Variants in WDR48 observed in about 807,000 individuals in gnomAD.
The protein encoded by WDR48 is WD repeat domain 48, also known as WD repeat-containing protein 48.
In WDR48, 22 loss-of-function variants were observed where a neutral mutation model predicts 94.0. That is an observed-to-expected ratio of 0.23 (90% confidence interval 0.17 to 0.33). The LOEUF (loss-of-function observed/expected upper bound fraction) is 0.33. Among genes scored for constraint, WDR48 ranks in the 10% least tolerant of loss-of-function variants. WDR48 has a pLI of 1.00. For synonymous variants in WDR48, 278 were observed against 280.5 expected (o/e 0.99, Z 0.09); for missense variants, 541 against 813.8 (o/e 0.66, Z 4.08).
intron 3 of WDR48, among the ~76,000 whole-genome samples, chr3:39,066,241 A>G (rs569589564): frequency 1.3e-5 from 2 of 152,304 alleles, no homozygotes; most frequent in East Asian, 1.9e-4. Flanking sequence ...GGTGAGATCC[A>G]TTCCTTGGTT....
intron 15 of WDR48, 36 bp downstream of exon 15, chr3:39,088,269 AG>A: frequency 6.3e-7 from 1 of 1,596,328 alleles, no homozygotes; most frequent in Non-Finnish European, 8.6e-7. Flanking sequence ...CTGCCTGAGA[AG>A]GTATCCCATT....
At chr3:39,064,278 CTTT>C (rs532093383) in intron 2 of WDR48, among the ~76,000 whole-genome samples, 2 of 141,564 alleles carry the variant, frequency 1.4e-5, no homozygotes, top group Non-Finnish European at 3.1e-5. Context: ...TCTTTTTTTT[CTTT>C]TTTTTTTTTT....
chr3:39,088,188 A>C lies in WDR48; in HGVS notation c.1535A>C (p.His512Pro). 2.5e-6 allele frequency: 4 copies of C among 1,614,188 alleles called. No individual in the cohort carries two copies. Among genetic ancestry groups the C allele is most frequent in the Non-Finnish European group, 3.4e-6 (4 of 1,180,040 alleles). Residue 512 changes from histidine to proline, a missense_variant, in exon 15 of 19, where the codon CAT (histidine) becomes CCT (proline). His to Pro is a moderately conservative substitution (Grantham distance 77). Transcript: ENST00000302313. ...AATGGATATTTTCAAGTGCCCCCACATACACCCGTGATCTTTGGTGAAGCT... is the reference window on the plus strand; with the variant it reads ...AATGGATATTTTCAAGTGCCCCCACCTACACCCGTGATCTTTGGTGAAGCT... ...KGNGYFQVPP[H>P]TPVIFGEAGG...
At chr3:39,069,771 C>G in intron 7 of WDR48, 27 bp downstream of exon 7, 1 of 1,584,580 alleles carries the variant, frequency 6.3e-7, no homozygotes, top group Middle Eastern at 1.7e-4. Context: ...GGGTGTTTAC[C>G]TAATAACCTT....
intron 1 of WDR48, among the ~76,000 whole-genome samples, chr3:39,058,742 C>T (rs1341977717): frequency 6.6e-6 from 1 of 152,134 alleles, no homozygotes; most frequent in African/African-American, 2.4e-5. Flanking sequence ...AAGTCCCTTG[C>T]CTTCTTGGAG....
Position 39,066,966 on chromosome 3 carries a change from G to A in WDR48, c.481+91G>A, listed in dbSNP as rs905321520. The A allele has an allele frequency of 7.6e-5, 111 of 1,453,604 alleles. No homozygotes were observed. In the African/African-American group the frequency reaches 1.3e-3, roughly 17 times the overall value. The allele number at this position is 1,453,604 out of a possible 1,614,324, so 90.0% of individuals were successfully genotyped here. ...AAAACATTTTTGATAGGTTTGCATC[G>A]AGAGAGTGTTTCATATTTTGAGAGT... On this transcript the variant is annotated intron_variant, in intron 5 of 18. Coordinates refer to ENST00000302313, the MANE Select transcript of WDR48 (RefSeq NM_020839.4).
intron 13 of WDR48, 74 bp from the exon 14 acceptor site, chr3:39,085,441 T>G: frequency 8.5e-7 from 1 of 1,174,414 alleles, no homozygotes; most frequent in East Asian, 2.3e-5. Context: ...ACTTACAATT[T>G]TTATTCTATT....
chr3:39,094,932 T>G lies in WDR48; in HGVS notation c.*189T>G, dbSNP rs1272596472. On this transcript the variant is annotated 3_prime_UTR_variant, in exon 19 of 19. Coordinates refer to ENST00000302313, the MANE Select transcript of WDR48 (RefSeq NM_020839.4). ...TAGAAACCAGTCTCCATGTGTAGAT[T>G]AAGCTGTCCCCAGGGAAGCAGAGTG... The G allele has an allele frequency of 5.4e-6, 4 of 738,498 alleles. No individual in the cohort carries two copies. The highest frequency in any genetic ancestry group is 8.6e-6 in the Non-Finnish European group (4 of 466,124). 45.7% of individuals were successfully genotyped at this position (738,498 alleles called of 1,614,324 possible).
intron 16 of WDR48, 176 bp downstream of exon 16, chr3:39,089,494 A>G (rs897160006): frequency 1.7e-5 from 7 of 420,624 alleles, no homozygotes; most frequent in African/African-American, 4.1e-5. Flanking sequence ...TTATTTATCT[A>G]TCTAGCTTTG....
At chr3:39,074,253 G>C (rs2034095712) in intron 7 of WDR48, among the ~76,000 whole-genome samples, 2 of 152,170 alleles carry the variant, frequency 1.3e-5, no homozygotes, top group East Asian at 3.8e-4. Context: ...GAGGACAAAG[G>C]CAGTTCTGCT....
intron 11 of WDR48, among the ~76,000 whole-genome samples, chr3:39,082,502 G>A (rs1423536126): frequency 2.6e-5 from 4 of 152,154 alleles, no homozygotes; most frequent in South Asian, 2.1e-4. Context: ...GGATGGTCTC[G>A]ATCTCCTGGC....
chr3:39,083,847 T>C lies in WDR48; in HGVS notation c.1174-308T>C, dbSNP rs80116272. 4.8e-3 allele frequency among the ~76,000 whole-genome samples: 735 copies of C among 152,300 alleles called. 6 individuals carry two copies. The highest frequency in any genetic ancestry group is 0.017 in the African/African-American group (694 of 41,558). ...ATGTGGGAAAATAAGCAGTCCCCCTTTGAGAAGATGGCCGACAACTGGGAC... is the reference window on the plus strand; with the variant it reads ...ATGTGGGAAAATAAGCAGTCCCCCTCTGAGAAGATGGCCGACAACTGGGAC... On this transcript the variant is annotated intron_variant, in intron 11 of 18. Transcript: ENST00000302313.
At chr3:39,055,320 C>T (rs1272234579) in intron 1 of WDR48, among the ~76,000 whole-genome samples, 1 of 152,138 alleles carries the variant, frequency 6.6e-6, no homozygotes, top group Non-Finnish European at 1.5e-5. Context: ...AATCCCGTCT[C>T]TACTAAAAAT....
chr3:39,064,252 C>G (rs537022097), intron 2 of WDR48, among the ~76,000 whole-genome samples: 1 of 151,184 alleles, frequency 6.6e-6, no homozygotes, highest in Admixed American at 6.6e-5. Flanking sequence ...CTCAAGGTAC[C>G]TATTAGGATC....
intron 8 of WDR48, among the ~76,000 whole-genome samples, chr3:39,076,004 C>T (rs1380747860): frequency 6.6e-6 from 1 of 152,082 alleles, no homozygotes; most frequent in Non-Finnish European, 1.5e-5. Context: ...CCGGAAGTTT[C>T]CAAGTTTTAA....
At chr3:39,077,976 G>C (rs924554180) in intron 9 of WDR48, 161 bp from the exon 10 acceptor site, 2 of 544,612 alleles carry the variant, frequency 3.7e-6, no homozygotes, top group African/African-American at 3.8e-5. Flanking sequence ...CTTTCTAAAC[G>C]ATGATAGATA....
At position 39,064,147 on chromosome 3, in the gene WDR48, CAG is replaced by C. The variant is rs898044340; in HGVS notation, c.189+958_189+959del. Among the ~76,000 whole-genome samples, 8 of 152,060 alleles carry C rather than the reference CAG, an allele frequency of 5.3e-5. No individual in the cohort carries two copies. The South Asian group carries it at 6.2e-4, about 12-fold the overall frequency. Reference sequence around the variant, plus strand: ...TGTGAATGACAGAGAAAAGAAGAATCAGGGAAGAAAAAAAGAGCATTTATTGA... The same window carrying C: ...TGTGAATGACAGAGAAAAGAAGAATCGGAAGAAAAAAAGAGCATTTATTGA... On this transcript the variant is annotated intron_variant, in intron 2 of 18. Coordinates refer to ENST00000302313, the MANE Select transcript of WDR48 (RefSeq NM_020839.4).
At chr3:39,079,145 A>G (rs1342622669) in intron 10 of WDR48, among the ~76,000 whole-genome samples, 1 of 152,212 alleles carries the variant, frequency 6.6e-6, no homozygotes, top group Non-Finnish European at 1.5e-5. Context: ...CATAAAATAC[A>G]TAGGATTTAA....
chr3:39,056,344 C>G (rs2032886746), intron 1 of WDR48, among the ~76,000 whole-genome samples: 1 of 152,204 alleles, frequency 6.6e-6, no homozygotes, highest in Non-Finnish European at 1.5e-5. Context: ...GTTCCAGTAT[C>G]TGACTCATTT....
Sources: gnomAD v4.1 joint callset for allele counts (sites outside exome capture counted in the v4.1 genomes callset) on GRCh38, gnomAD v4.1.1 for gene constraint, MANE v1.5 for transcripts, NCBI Gene and HGNC (gene_info 2026-07-23, HGNC 2026-07-21) for gene names.